ZNF37A: variants seen among roughly 807,000 people sequenced by gnomAD.
The protein encoded by ZNF37A is zinc finger protein 37A.
A neutral mutation model predicts 12.3 loss-of-function variants in ZNF37A; 10 were observed. That is an observed-to-expected ratio of 0.82 (90% CI 0.50 to 1.38). ZNF37A has a LOEUF of 1.38. Among genes scored for constraint, ZNF37A ranks in the 40% most tolerant of loss-of-function variants. The pLI is 0.00. For synonymous variants in ZNF37A, 207 were observed against 223.0 expected, an observed-to-expected ratio of 0.93 and a Z score of 0.64; for missense variants, 580 against 651.2, an observed-to-expected ratio of 0.89 and a Z score of 1.19.
intron 5 of ZNF37A, among the ~76,000 whole-genome samples, chr10:38,102,818 C>G (rs2067705474): frequency 1.3e-5 from 2 of 152,056 alleles, no homozygotes; most frequent in Non-Finnish European, 2.9e-5. Flanking sequence ...GTAGTTTTGC[C>G]TAATGTAGAA....
chr10:38,112,175 C>G lies in ZNF37A; in HGVS notation c.16-2580C>G, dbSNP rs553121462. On this transcript the variant is annotated intron_variant, in intron 5 of 7. Coordinates refer to ENST00000685332, the MANE Select transcript of ZNF37A (RefSeq NM_001324250.3). The stretch of plus-strand genomic sequence containing the variant: ...AAAAAAACCCAACAAAACCCCTTTC[C>G]TATTATTTGCAAATTGGCTCTGTCC... Among the ~76,000 whole-genome samples the G allele has an allele frequency of 3.8e-4, 58 of 151,970 alleles. 1 individual carries two copies. Among genetic ancestry groups the G allele is most frequent in the Admixed American group, 2.0e-3 (30 of 15,276 alleles).
At chr10:38,116,687 A>G (rs2069295107) in intron 7 of ZNF37A, among the ~76,000 whole-genome samples, 1 of 152,236 alleles carries the variant, frequency 6.6e-6, no homozygotes, top group South Asian at 2.1e-4. Flanking sequence ...AGGACAGTTG[A>G]TGAAATAAAG....
chr10:38,122,300 A>G lies in ZNF37A; in HGVS notation c.*3463A>G, dbSNP rs1189960475. 1.3e-5 allele frequency: 2 copies of G among 152,188 alleles called. No homozygotes were observed. Among genetic ancestry groups the G allele is most frequent in the East Asian group, 3.9e-4 (2 of 5,184 alleles). 9.4% of individuals were successfully genotyped at this position (152,188 alleles called of 1,614,324 possible). Reference sequence around the variant, plus strand: ...TTAATGGATAAACTGTGGAACATCCAGAAAACTTTAACATTCTTCAAAGAA... The same window carrying G: ...TTAATGGATAAACTGTGGAACATCCGGAAAACTTTAACATTCTTCAAAGAA... On this transcript the variant is annotated 3_prime_UTR_variant, in exon 8 of 8. Coordinates refer to ENST00000685332, the MANE Select transcript of ZNF37A (RefSeq NM_001324250.3).
intron 5 of ZNF37A, among the ~76,000 whole-genome samples, chr10:38,104,486 T>G (rs562255586): frequency 6.6e-6 from 1 of 151,896 alleles, no homozygotes; most frequent in South Asian, 2.1e-4. Flanking sequence ...CTTCCCCAGC[T>G]TAATTGTTGC....
At chr10:38,150,090 T>A (rs2070308837) in exon 8 of ZNF37A, 1 of 152,336 alleles carries the variant, frequency 6.6e-6, no homozygotes. Flanking sequence ...TGCAAGTTTC[T>A]TCTTGTCTGC....
In ZNF37A at chr10:38,118,437, A is replaced by G. The variant is rs1353581740; in HGVS notation, c.1286A>G (p.His429Arg). 2 of 1,614,042 alleles carry G rather than the reference A, an allele frequency of 1.2e-6. No individual in the cohort carries two copies. Among genetic ancestry groups the G allele is most frequent in the Middle Eastern group, 1.7e-4 (1 of 6,060 alleles). Reference sequence around the variant, plus strand: ...TCTGAGAAGTCAACCCTTACTAAACATCTAAGAACTCACACAGGTGAGAAA... The same window carrying G: ...TCTGAGAAGTCAACCCTTACTAAACGTCTAAGAACTCACACAGGTGAGAAA... ...SFSEKSTLTK[H>R]LRTHTGEKPY... Residue 429 changes from histidine to arginine, a missense_variant, in exon 8 of 8, where the codon CAT becomes CGT. Physicochemically the swap from His to Arg is conservative, Grantham distance 29. Transcript: ENST00000685332.
chr10:38,111,384 T>G (rs188753400), intron 5 of ZNF37A, among the ~76,000 whole-genome samples: 1 of 152,046 alleles, frequency 6.6e-6, no homozygotes, highest in East Asian at 1.9e-4. Flanking sequence ...CTTATGTAGA[T>G]GATGGGTTGA....
At chr10:38,112,780 CTTTTCTTT>C (rs2068888669) in intron 5 of ZNF37A, among the ~76,000 whole-genome samples, 1 of 53,002 alleles carries the variant, frequency 1.9e-5, no homozygotes, top group African/African-American at 7.5e-5. Context: ...CTTTTCTTTT[CTTTTCTTT>C]TCTTTTCTTG....
rs767736126 is a variant in ZNF37A, at chr10:38,118,068, A to G, written c.917A>G (p.Lys306Arg). The part of the protein sequence containing the change: ...GKPYECHECG[K>R]TFYKNSDLIK... ...CCCTATGAATGTCATGAATGTGGGAAGACCTTCTATAAGAATTCAGACCTC... is the reference window on the plus strand; with the variant it reads ...CCCTATGAATGTCATGAATGTGGGAGGACCTTCTATAAGAATTCAGACCTC... The change falls in exon 8 of 8, where the codon AAG (lysine) becomes AGG (arginine). Residue 306 changes from lysine (K) to arginine (R), a missense_variant. Lys to Arg is a conservative substitution (Grantham distance 26, BLOSUM62 2). Coordinates refer to ENST00000685332, the MANE Select transcript of ZNF37A (RefSeq NM_001324250.3). The G allele has an allele frequency of 1.2e-4, 196 of 1,613,972 alleles. 2 individuals are homozygous for G. The highest frequency in any genetic ancestry group is 2.4e-4 in the South Asian group (22 of 91,082).
intron 7 of ZNF37A, among the ~76,000 whole-genome samples, chr10:38,130,611 C>A (rs12245792): frequency 0.029 from 4,394 of 152,156 alleles, 123 homozygotes; most frequent in African/African-American, 0.078. Flanking sequence ...CAGGGGTGCA[C>A]CACCATGCCC....
At chr10:38,108,406 T>C (rs1285622778) in intron 5 of ZNF37A, among the ~76,000 whole-genome samples, 2 of 152,120 alleles carry the variant, frequency 1.3e-5, no homozygotes, top group Non-Finnish European at 2.9e-5. Context: ...AGGAAAGATC[T>C]AAAATAGACA....
intron 5 of ZNF37A, among the ~76,000 whole-genome samples, chr10:38,103,291 T>C (rs1435863471): frequency 6.6e-6 from 1 of 152,190 alleles, no homozygotes; most frequent in Non-Finnish European, 1.5e-5. Context: ...GCTGATTCTT[T>C]GTTCTCTTTG....
In ZNF37A at chr10:38,119,935, T is replaced by G. The variant is rs1332236633; in HGVS notation, c.*1098T>G. ...GTCAATTTGCCTTGTATGCAACTTA[T>G]GAGGATTAGTAGAAGAGAGTGGGTC... is the stretch of plus-strand genomic sequence containing the variant. On this transcript the variant is annotated 3_prime_UTR_variant, in exon 8 of 8. Transcript: ENST00000685332. 6.6e-6 allele frequency: 1 copy of G among 152,206 alleles called. No homozygotes were observed. The highest frequency in any genetic ancestry group is 2.4e-5 in the African/African-American group (1 of 41,452). The allele number at this position is 152,206 out of a possible 1,614,324, so 9.4% of individuals were successfully genotyped here.
At chr10:38,104,550 C>G (rs184801829) in intron 5 of ZNF37A, among the ~76,000 whole-genome samples, 6 of 151,884 alleles carry the variant, frequency 4.0e-5, no homozygotes, top group Non-Finnish European at 7.4e-5. Context: ...GCCTACCCCC[C>G]ACATCAGTTT....
rs1490470504 is a variant in ZNF37A at position 38,108,770 on chromosome 10, C to T, written c.16-5985C>T. ...AAATTCCTGGACACTTACACCCTCT[C>T]AAGTCTAAAGCAGGAAGAAGTCAAA... On this transcript the variant is annotated intron_variant, in intron 5 of 7. Coordinates refer to ENST00000685332, the MANE Select transcript of ZNF37A (RefSeq NM_001324250.3). Among the ~76,000 whole-genome samples, 7 of 152,278 alleles carry T rather than the reference C, an allele frequency of 4.6e-5. No homozygotes were observed. In the East Asian group the frequency reaches 1.4e-3, roughly 29 times the overall value.
chr10:38,107,930 A>G (rs1445912672), intron 5 of ZNF37A, among the ~76,000 whole-genome samples: 7 of 151,970 alleles, frequency 4.6e-5, no homozygotes, highest in Non-Finnish European at 1.0e-4. Flanking sequence ...CACTGTCAGT[A>G]TTAGACAGAT....
In ZNF37A at chr10:38,117,589, T is replaced by A. The variant is rs901660520; in HGVS notation, c.438T>A (p.Phe146Leu). The A allele has an allele frequency of 8.7e-6, 14 of 1,613,598 alleles. No individual in the cohort carries two copies. Among genetic ancestry groups the A allele is most frequent in the Non-Finnish European group, 1.2e-5 (14 of 1,179,944 alleles). ...AAATTAAAAATTGGGAACAATCTTT[T>A]GAATACAATGAATGTGGGAAAGCTT... ...HQKIKNWEQS[F>L]EYNECGKAFP... Residue 146 changes from phenylalanine to leucine, a missense_variant, in exon 8 of 8, where the codon TTT becomes TTA. By Grantham distance (22) the Phe-to-Leu change is conservative (BLOSUM62 0). Coordinates refer to ENST00000685332, the MANE Select transcript of ZNF37A (RefSeq NM_001324250.3).
intron 5 of ZNF37A, among the ~76,000 whole-genome samples, chr10:38,102,489 A>G (rs1239993944): frequency 6.6e-6 from 1 of 152,176 alleles, no homozygotes; most frequent in African/African-American, 2.4e-5. Flanking sequence ...ATTGTCACAT[A>G]TTAGGCCTTC....
chr10:38,100,403 C>T (rs949242966), intron 5 of ZNF37A, among the ~76,000 whole-genome samples: 2 of 152,132 alleles, frequency 1.3e-5, no homozygotes, highest in Non-Finnish European at 2.9e-5. Flanking sequence ...AGACTGGGGT[C>T]TATTTCACCC....
Sources: allele counts gnomAD v4.1 joint callset (sites outside exome capture counted in the v4.1 genomes callset), GRCh38; gene constraint gnomAD v4.1.1; transcripts MANE v1.5; gene names NCBI Gene and HGNC (gene_info 2026-07-23, HGNC 2026-07-21).